Variants in DSCAML1 observed in about 807,000 individuals in gnomAD.
DSCAML1 encodes the protein cell adhesion molecule DSCAML1.
In DSCAML1, 38 loss-of-function variants were observed where a neutral mutation model predicts 200.5. That is an observed-to-expected ratio of 0.19 (90% CI 0.15 to 0.25). The LOEUF (loss-of-function observed/expected upper bound fraction) is 0.25, where lower values mean the gene tolerates loss of function less well. Among genes scored for constraint, DSCAML1 ranks in the 10% least tolerant of loss-of-function variants. The pLI is 1.00. For synonymous variants in DSCAML1, 1,215 were observed against 1,165.0 expected (o/e 1.04, Z -0.87); for missense variants, 2,223 against 2,858.8 (o/e 0.78, Z 5.07).
At chr11:117,574,129 G>A (rs1423681045) in intron 3 of DSCAML1, among the ~76,000 whole-genome samples, 2 of 152,252 alleles carry the variant, frequency 1.3e-5, no homozygotes, top group African/African-American at 4.8e-5. Flanking sequence ...CACTCTGGCA[G>A]CTGCACATTC....
chr11:117,633,016 T>A (rs7126973), intron 3 of DSCAML1, among the ~76,000 whole-genome samples: 112,144 of 152,126 alleles, frequency 0.74, 41,573 homozygotes, highest in Admixed American at 0.78. Flanking sequence ...AGGACGGGCC[T>A]GGCAGGCTGT....
intron 3 of DSCAML1, among the ~76,000 whole-genome samples, chr11:117,605,947 C>T (rs889874628): frequency 6.6e-6 from 1 of 152,140 alleles, no homozygotes; most frequent in African/African-American, 2.4e-5. Context: ...GTGTACACCA[C>T]CTAGTCCAGG....
At chr11:117,697,121 G>C (rs553568197) in intron 3 of DSCAML1, among the ~76,000 whole-genome samples, 1 of 152,280 alleles carries the variant, frequency 6.6e-6, no homozygotes, top group Non-Finnish European at 1.5e-5. Context: ...TGGCTCAGAG[G>C]GGTTAGATCA....
intron 3 of DSCAML1, among the ~76,000 whole-genome samples, chr11:117,593,177 C>A (rs1055101909): frequency 2.0e-5 from 3 of 152,024 alleles, no homozygotes. Flanking sequence ...GTCCTGCCCT[C>A]GGCGGTGCCC....
At chr11:117,745,212 T>C (rs112179089) in intron 3 of DSCAML1, among the ~76,000 whole-genome samples, 6,336 of 58,616 alleles carry the variant, frequency 0.11, 471 homozygotes, top group African/African-American at 0.25. Flanking sequence ...GGAGGGCTGG[T>C]GAGGCTACCT....
chr11:117,570,804 G>A (rs527415798), intron 3 of DSCAML1, among the ~76,000 whole-genome samples: 61 of 152,246 alleles, frequency 4.0e-4, no homozygotes, highest in Non-Finnish European at 1.8e-4. Flanking sequence ...CTTCACAGGG[G>A]TGGGAGTGGG....
intron 19 of DSCAML1, among the ~76,000 whole-genome samples, chr11:117,457,322 G>A (rs568763021): frequency 6.4e-4 from 97 of 152,302 alleles, no homozygotes; most frequent in African/African-American, 2.3e-3. Context: ...TAGACCTCTG[G>A]GTTCCTCACA....
At chr11:117,519,901 G>C (rs1447669785) in intron 6 of DSCAML1, among the ~76,000 whole-genome samples, 2 of 152,218 alleles carry the variant, frequency 1.3e-5, no homozygotes, top group East Asian at 3.9e-4. Flanking sequence ...AGGTTCCTGG[G>C]TGCCTCACAC....
intron 3 of DSCAML1, among the ~76,000 whole-genome samples, chr11:117,686,146 T>C (rs1275886669): frequency 6.6e-6 from 1 of 152,126 alleles, no homozygotes; most frequent in Non-Finnish European, 1.5e-5. Context: ...TGGGCTGACA[T>C]GGTTGAGCCT....
chr11:117,439,057 C>G, intron 23 of DSCAML1, 74 bp from the exon 24 acceptor site: 1 of 1,443,378 alleles, frequency 6.9e-7, no homozygotes, highest in Non-Finnish European at 9.4e-7. Flanking sequence ...CCCCCCGTGA[C>G]GGGAAGGTGC....
chr11:117,435,442 G>C (rs934898543), intron 27 of DSCAML1, among the ~76,000 whole-genome samples: 12 of 152,254 alleles, frequency 7.9e-5, no homozygotes, highest in Non-Finnish European at 1.8e-4. Context: ...CAGGCACAAA[G>C]TCTTGGGGGC....
At chr11:117,802,806 G>T (rs1169987618) in intron 1 of DSCAML1, among the ~76,000 whole-genome samples, 1 of 152,124 alleles carries the variant, frequency 6.6e-6, no homozygotes, top group Non-Finnish European at 1.5e-5. Flanking sequence ...TCACCTAAAA[G>T]GATCTGGATA....
At chr11:117,668,302 C>A (rs1265524663) in intron 3 of DSCAML1, among the ~76,000 whole-genome samples, 1 of 152,142 alleles carries the variant, frequency 6.6e-6, no homozygotes, top group Non-Finnish European at 1.5e-5. Context: ...TGATGTCATG[C>A]CTCCTATCTC....
rs776909133 is a variant in DSCAML1 at position 117,521,216 on chromosome 11, G to C, written c.1127C>G (p.Ala376Gly). Residue 376 changes from alanine (A) to glycine (G), a missense_variant, in exon 6 of 33, where the codon GCC becomes GGC. Coordinates refer to ENST00000651296, the MANE Select transcript of DSCAML1 (RefSeq NM_020693.4). ...LSNETLLITS[A>G]QKSHSGAYQC... ...GTAGGCCCCGGAATGGCTCTTCTGG[G>C]CCGAGGTGATGAGCAGCGTCTCGTT... 6.2e-7 allele frequency: 1 copy of C among 1,614,166 alleles called. No individual in the cohort carries two copies.
chr11:117,776,746 C>T, intron 3 of DSCAML1, 45 bp downstream of exon 3: 4 of 1,611,604 alleles, frequency 2.5e-6, no homozygotes, highest in Non-Finnish European at 3.4e-6. Flanking sequence ...CCAGTCCCCA[C>T]AGAGGGAGCA....
At chr11:117,801,884 G>A (rs987785599), upstream of DSCAML1, 3 of 152,198 alleles carry the variant, frequency 2.0e-5, no homozygotes, top group African/African-American at 7.2e-5. Flanking sequence ...CTGAATAACT[G>A]TGGCCTCTCT....
intron 8 of DSCAML1, among the ~76,000 whole-genome samples, chr11:117,512,804 C>CT (rs1340815377): frequency 6.6e-6 from 1 of 151,364 alleles, no homozygotes; most frequent in East Asian, 1.9e-4. Flanking sequence ...CACACACACC[C>CT]CTCCCCTTCC....
At position 117,748,196 on chromosome 11, in the gene DSCAML1, T is replaced by C. The variant is rs573586943; in HGVS notation, c.511+28595A>G. Among the ~76,000 whole-genome samples, 4 of 152,312 alleles carry C rather than the reference T, an allele frequency of 2.6e-5. No individual in the cohort carries two copies. The South Asian group carries it at 8.3e-4, about 32-fold the overall frequency. On this transcript the variant is annotated intron_variant, in intron 3 of 32. Coordinates refer to ENST00000651296, the MANE Select transcript of DSCAML1 (RefSeq NM_020693.4). The stretch of plus-strand genomic sequence containing the variant: ...AGACAGAGCAAGAACACCTGGTACT[T>C]AGCAGGCACTCAACAAATGGTAACT...
chr11:117,617,689 C>T (rs2051839116), intron 3 of DSCAML1, among the ~76,000 whole-genome samples: 1 of 77,142 alleles, frequency 1.3e-5, no homozygotes, highest in South Asian at 3.2e-4. Flanking sequence ...CGCACACACA[C>T]ACACACACAC....
Sources: allele counts gnomAD v4.1 joint callset (sites outside exome capture counted in the v4.1 genomes callset), GRCh38; gene constraint gnomAD v4.1.1; transcripts MANE v1.5; gene names NCBI Gene and HGNC (gene_info 2026-07-23, HGNC 2026-07-21).